The following TXNL4A variants were observed in gnomAD, a reference collection of about 807,000 sequenced individuals.
The protein encoded by TXNL4A is thioredoxin like 4A.
A neutral mutation model predicts 14.6 loss-of-function variants in TXNL4A; 17 were observed. The observed-to-expected ratio is 1.16, with a 90% CI of 0.80 to 1.74. The LOEUF (loss-of-function observed/expected upper bound fraction) is 1.74, where lower values mean the gene tolerates loss of function less well. Among genes scored for constraint, TXNL4A ranks in the 40% most tolerant of loss-of-function variants. The pLI is 0.00. For synonymous variants in TXNL4A, 83 were observed against 70.6 expected, an observed-to-expected ratio of 1.18 and a Z score of -0.88; for missense variants, 74 against 195.2, an observed-to-expected ratio of 0.38 and a Z score of 3.70.
intron 1 of TXNL4A, among the ~76,000 whole-genome samples, chr18:80,021,119 C>A (rs928621168): frequency 6.6e-6 from 1 of 151,792 alleles, no homozygotes; most frequent in African/African-American, 2.4e-5. Context: ...AACAGGTGGG[C>A]ACTGTTTTGG....
chr18:79,989,840 C>A (rs1312404227), upstream of TXNL4A, among the ~76,000 whole-genome samples: 1 of 152,020 alleles, frequency 6.6e-6, no homozygotes, highest in East Asian at 1.9e-4. Context: ...ACTAAAAATA[C>A]AAAAAATTAC....
At chr18:80,018,598 T>C (rs551691994) in intron 1 of TXNL4A, among the ~76,000 whole-genome samples, 22 of 151,064 alleles carry the variant, frequency 1.5e-4, no homozygotes, top group Non-Finnish European at 2.7e-4. Context: ...GCAAGACTAA[T>C]AAAGAAAAAA....
At chr18:80,015,521 C>T (rs944965600) in intron 1 of TXNL4A, among the ~76,000 whole-genome samples, 2 of 151,756 alleles carry the variant, frequency 1.3e-5, no homozygotes, top group African/African-American at 4.8e-5. Flanking sequence ...CTACCCCCAC[C>T]CCACAACAGT....
chr18:79,980,451 C>A (rs983204585), intron 1 of TXNL4A, among the ~76,000 whole-genome samples: 27 of 152,116 alleles, frequency 1.8e-4, no homozygotes, highest in African/African-American at 6.5e-4. Context: ...ATGAAACACA[C>A]AGCCTAAAAA....
chr18:79,996,103 CAAAAA>C (rs60443481), intron 1 of TXNL4A, among the ~76,000 whole-genome samples: 12 of 61,316 alleles, frequency 2.0e-4, no homozygotes, highest in African/African-American at 7.3e-4. Context: ...GACTCTGACT[CAAAAA>C]AAAAAAAAAA....
At chr18:80,020,030 G>A (rs542855522) in intron 1 of TXNL4A, among the ~76,000 whole-genome samples, 100 of 152,224 alleles carry the variant, frequency 6.6e-4, no homozygotes, top group Non-Finnish European at 1.2e-3. Flanking sequence ...GGAGGAACCC[G>A]GTGAAAGGTG....
chr18:80,013,865 AC>A (rs1317602454), intron 1 of TXNL4A, among the ~76,000 whole-genome samples: 1 of 152,254 alleles, frequency 6.6e-6, no homozygotes, highest in Non-Finnish European at 1.5e-5. Context: ...AACAACAACA[AC>A]AAAAAGGCTT....
At chr18:79,977,732 T>A in intron 1 of TXNL4A, 31 bp from the exon 2 acceptor site, 4 of 1,291,154 alleles carry the variant, frequency 3.1e-6, no homozygotes, top group Non-Finnish European at 4.4e-6. Flanking sequence ...AAAACTGAAA[T>A]AACAGAACAC....
intron 1 of TXNL4A, 102 bp downstream of exon 1, chr18:79,988,138 T>C (rs2145089044): frequency 7.8e-7 from 1 of 1,279,784 alleles, no homozygotes; most frequent in Middle Eastern, 2.4e-4. Flanking sequence ...CCGCGGCCCC[T>C]CCTCGGGGAA....
intron 1 of TXNL4A, among the ~76,000 whole-genome samples, chr18:80,030,082 C>A (rs1310256552): frequency 1.3e-5 from 2 of 152,138 alleles, no homozygotes. Flanking sequence ...ATGGATTCAT[C>A]TCTCTCATCT....
chr18:80,031,110 G>A (rs958952754), intron 1 of TXNL4A, among the ~76,000 whole-genome samples: 6 of 152,164 alleles, frequency 3.9e-5, no homozygotes, highest in Non-Finnish European at 8.8e-5. Flanking sequence ...ACAATGGCCC[G>A]TTTTCACAAT....
At chr18:80,000,325 G>C (rs1433099335) in intron 1 of TXNL4A, among the ~76,000 whole-genome samples, 1 of 152,200 alleles carries the variant, frequency 6.6e-6, no homozygotes, top group East Asian at 1.9e-4. Context: ...TGGAGAGAAG[G>C]AACTTGTTGG....
At chr18:80,007,776 C>T (rs1258820570) in intron 1 of TXNL4A, among the ~76,000 whole-genome samples, 6 of 152,050 alleles carry the variant, frequency 3.9e-5, no homozygotes, top group African/African-American at 1.2e-4. Flanking sequence ...GATCAGATGC[C>T]GTCTTCAGAT....
chr18:79,978,856 T>C (rs1001757164), intron 1 of TXNL4A, among the ~76,000 whole-genome samples: 3 of 151,912 alleles, frequency 2.0e-5, no homozygotes, highest in Non-Finnish European at 4.4e-5. Context: ...GTTCATATTA[T>C]TTCTGTTCAG....
intron 1 of TXNL4A, among the ~76,000 whole-genome samples, chr18:79,980,083 A>G (rs973167849): frequency 6.6e-6 from 1 of 152,180 alleles, no homozygotes; most frequent in Admixed American, 6.5e-5. Context: ...TCCTTAGAGG[A>G]AAATGGCCAC....
intron 1 of TXNL4A, among the ~76,000 whole-genome samples, chr18:80,019,535 GTTAT>G (rs1055411228): frequency 2.0e-5 from 3 of 152,164 alleles, no homozygotes; most frequent in African/African-American, 4.8e-5. Context: ...AGGACCATGT[GTTAT>G]TTATTACCTG....
At chr18:80,007,817 C>A (rs2051742139) in intron 1 of TXNL4A, among the ~76,000 whole-genome samples, 1 of 152,028 alleles carries the variant, frequency 6.6e-6, no homozygotes, top group Non-Finnish European at 1.5e-5. Context: ...TCTAAATTCC[C>A]CAGATAAGGA....
chr18:79,974,139 G>A (rs1241692926), intron 2 of TXNL4A, among the ~76,000 whole-genome samples: 3 of 152,240 alleles, frequency 2.0e-5, no homozygotes, highest in Non-Finnish European at 2.9e-5. Flanking sequence ...GAGGGCAGGC[G>A]CAGTGGCTCA....
chr18:79,976,806 C>T (rs939651700), intron 2 of TXNL4A: 2 of 455,238 alleles, frequency 4.4e-6, no homozygotes, highest in African/African-American at 4.0e-5. Flanking sequence ...GTAAAAACAG[C>T]ATCAGATGGT....
Sources: allele counts gnomAD v4.1 joint callset (sites outside exome capture counted in the v4.1 genomes callset), GRCh38; gene constraint gnomAD v4.1.1; transcripts MANE v1.5; gene names NCBI Gene and HGNC (gene_info 2026-07-23, HGNC 2026-07-21).